The following MAP2K5 variants were observed in gnomAD, a reference collection of about 807,000 sequenced individuals.
The protein encoded by MAP2K5 is mitogen-activated protein kinase kinase 5.
MAP2K5 carries 49 observed loss-of-function variants against 83.1 expected under a neutral mutation model. The observed-to-expected ratio is 0.59, with a 90% CI of 0.47 to 0.75. The LOEUF is 0.75. Ranked by LOEUF, MAP2K5 falls within the 30% of genes least tolerant of loss-of-function variation. The pLI is 0.00. For missense variants in MAP2K5, 457 were observed against 557.5 expected (o/e 0.82, Z 1.82); for synonymous variants, 202 against 191.8 (o/e 1.05, Z -0.44).
At chr15:67,751,576 A>T (rs1000879255) in intron 19 of MAP2K5, among the ~76,000 whole-genome samples, 3 of 152,240 alleles carry the variant, frequency 2.0e-5, no homozygotes, top group African/African-American at 7.2e-5. Context: ...TATTGTCTAG[A>T]TAACTGAAAT....
At chr15:67,704,446 G>A (rs921630616) in intron 16 of MAP2K5, among the ~76,000 whole-genome samples, 2 of 152,166 alleles carry the variant, frequency 1.3e-5, no homozygotes, top group Non-Finnish European at 2.9e-5. Context: ...CATAGATAGA[G>A]TTGCAATCAT....
At chr15:67,583,017 T>G (rs1287211250) in intron 4 of MAP2K5, among the ~76,000 whole-genome samples, 4 of 152,220 alleles carry the variant, frequency 2.6e-5, no homozygotes, top group African/African-American at 4.8e-5. Context: ...ACAACCATTT[T>G]TAGATGTCTG....
chr15:67,654,020 G>A lies in MAP2K5; in HGVS notation c.737-4533G>A, dbSNP rs529271149. ...AGAATATATTCTACTGTGGTTAAGT[G>A]AAGTATCCTTTACATGTCAGTTAAT... On this transcript the variant is annotated intron_variant, in intron 11 of 21. Coordinates refer to ENST00000178640, the MANE Select transcript of MAP2K5 (RefSeq NM_145160.3). Among the ~76,000 whole-genome samples, 35 of 152,240 alleles carry A rather than the reference G, an allele frequency of 2.3e-4. No individual in the cohort carries two copies. In the East Asian group the frequency reaches 4.2e-3, roughly 18 times the overall value.
chr15:67,712,517 G>A (rs1378303945), intron 16 of MAP2K5, among the ~76,000 whole-genome samples: 1 of 152,214 alleles, frequency 6.6e-6, no homozygotes, highest in East Asian at 1.9e-4. Context: ...ACTACCAGTT[G>A]TATCCTCAGA....
chr15:67,569,209 A>G (rs2140975343), intron 3 of MAP2K5, among the ~76,000 whole-genome samples: 1 of 152,276 alleles, frequency 6.6e-6, no homozygotes, highest in Non-Finnish European at 1.5e-5. Flanking sequence ...CATTTTCCAC[A>G]TGGTGCTTTC....
At chr15:67,796,192 C>A (rs753858336) in intron 21 of MAP2K5, among the ~76,000 whole-genome samples, 1 of 152,126 alleles carries the variant, frequency 6.6e-6, no homozygotes, top group Non-Finnish European at 1.5e-5. Flanking sequence ...GTTTTTTGTA[C>A]AGTCCTATTT....
chr15:67,641,988 C>G (rs2086722326), intron 9 of MAP2K5, among the ~76,000 whole-genome samples: 1 of 152,220 alleles, frequency 6.6e-6, no homozygotes, highest in Non-Finnish European at 1.5e-5. Context: ...GTGGGTTCTA[C>G]TTTCCCTCTC....
chr15:67,675,985 C>T (rs1475261269), intron 13 of MAP2K5, among the ~76,000 whole-genome samples: 1 of 152,122 alleles, frequency 6.6e-6, no homozygotes, highest in Non-Finnish European at 1.5e-5. Flanking sequence ...TCCCCAGTCC[C>T]CACCTCTAAA....
chr15:67,736,549 A>G lies in MAP2K5; in HGVS notation c.1074+8604A>G, dbSNP rs2089345176. On this transcript the variant is annotated intron_variant, in intron 17 of 21. Coordinates refer to ENST00000178640, the MANE Select transcript of MAP2K5 (RefSeq NM_145160.3). The surrounding 1 kb of genome is among the most constrained non-coding windows in gnomAD (Gnocchi z 4.3). Reference sequence around the variant, plus strand: ...ACCATGTCTCACACCAGGTAGGACTAAAATGAATTATTTTTCTGATCCCAC... The same window carrying G: ...ACCATGTCTCACACCAGGTAGGACTGAAATGAATTATTTTTCTGATCCCAC... Among the ~76,000 whole-genome samples the G allele has an allele frequency of 6.6e-6, 1 of 152,260 alleles. No individual in the cohort carries two copies. The highest frequency in any genetic ancestry group is 1.5e-5 in the Non-Finnish European group (1 of 68,050).
In MAP2K5 at chr15:67,750,594, G is replaced by A. The variant is rs530595268; in HGVS notation, c.1134+1993G>A. ...TAATGCAAATTCCTGAGCCCAGATC[G>A]CTGAATTAGACTTTCTAGGGATCGT... On this transcript the variant is annotated intron_variant, in intron 19 of 21. Transcript: ENST00000178640. This position sits in a 1 kb window ranked among gnomAD's most constrained non-coding sequence, Gnocchi z 4.2. Among the ~76,000 whole-genome samples the A allele has an allele frequency of 7.7e-4, 118 of 152,258 alleles. 1 individual carries two copies. The highest frequency in any genetic ancestry group is 2.7e-3 in the African/African-American group (111 of 41,558).
rs1232094297 is a variant in MAP2K5, at chr15:67,694,669, A to C, written c.972+1101A>C. On this transcript the variant is annotated intron_variant, in intron 15 of 21. Transcript: ENST00000178640. ...CTTTTACACTGTTGGTGGGACTGTA[A>C]ACTAGTTCAACCATTGTGGAAGTCA... 2.0e-5 allele frequency among the ~76,000 whole-genome samples: 3 copies of C among 152,088 alleles called. No individual in the cohort carries two copies. The East Asian group carries it at 5.8e-4, about 29-fold the overall frequency.
At chr15:67,741,803 A>C (rs1038271488) in intron 17 of MAP2K5, among the ~76,000 whole-genome samples, 1 of 152,202 alleles carries the variant, frequency 6.6e-6, no homozygotes, top group Non-Finnish European at 1.5e-5. Context: ...CTTCAAATAT[A>C]TGAAGAGCTG....
intron 8 of MAP2K5, among the ~76,000 whole-genome samples, chr15:67,619,682 T>C (rs1348819805): frequency 3.9e-5 from 6 of 152,190 alleles, no homozygotes. Flanking sequence ...ATCCCAGCAC[T>C]TTGGGAGGCC....
At chr15:67,740,491 C>A (rs551945915) in intron 17 of MAP2K5, among the ~76,000 whole-genome samples, 1 of 151,944 alleles carries the variant, frequency 6.6e-6, no homozygotes, top group African/African-American at 2.4e-5. Flanking sequence ...ACTCAGGAGG[C>A]GGAGGTGGGA....
chr15:67,716,771 C>G (rs760055976), intron 16 of MAP2K5, among the ~76,000 whole-genome samples: 6 of 152,158 alleles, frequency 3.9e-5, no homozygotes, highest in Non-Finnish European at 8.8e-5. Context: ...TTGACATCCT[C>G]TTGCTCAGTG....
chr15:67,678,051 TTTCTC>T (rs954467332), intron 13 of MAP2K5, among the ~76,000 whole-genome samples: 1 of 152,236 alleles, frequency 6.6e-6, no homozygotes, highest in Non-Finnish European at 1.5e-5. Flanking sequence ...GCAATGTGGT[TTTCTC>T]TTAAGTATGT....
chr15:67,556,755 G>A (rs1165662636), intron 2 of MAP2K5, among the ~76,000 whole-genome samples: 1 of 152,028 alleles, frequency 6.6e-6, no homozygotes, highest in African/African-American at 2.4e-5. Context: ...GTTTCACCAT[G>A]TTGGTCAGGC....
In MAP2K5 at chr15:67,569,030, A is replaced by C. The variant is rs543401311; in HGVS notation, c.252+5680A>C. On this transcript the variant is annotated intron_variant, in intron 3 of 21. Coordinates refer to ENST00000178640, the MANE Select transcript of MAP2K5 (RefSeq NM_145160.3). The stretch of plus-strand genomic sequence containing the variant: ...CAAAAAAAAAAAAAACAAAAAAAAA[A>C]AACAAAACTCTGTGGGCGTCTGAAG... Among the ~76,000 whole-genome samples the C allele has an allele frequency of 3.3e-5, 5 of 151,568 alleles. No individual in the cohort carries two copies. The East Asian group carries it at 7.7e-4, about 23-fold the overall frequency.
chr15:67,804,068 C>T (rs572224504), intron 21 of MAP2K5, among the ~76,000 whole-genome samples: 7 of 152,150 alleles, frequency 4.6e-5, no homozygotes, highest in Non-Finnish European at 7.4e-5. Flanking sequence ...ATCCTGTGAC[C>T]GTGTGGACCC....
Sources: gnomAD v4.1 joint callset for allele counts (sites outside exome capture counted in the v4.1 genomes callset) on GRCh38, gnomAD v4.1.1 for gene constraint, Gnocchi (gnomAD v3.1) non-coding constraint, MANE v1.5 for transcripts, NCBI Gene and HGNC (gene_info 2026-07-23, HGNC 2026-07-21) for gene names.